SCML4: variants seen among roughly 807,000 people sequenced by gnomAD.
SCML4 encodes sex comb on midleg-like protein 4.
SCML4 carries 34 observed loss-of-function variants against 41.1 expected under a neutral mutation model. The observed-to-expected ratio is 0.83, with a 90% CI of 0.63 to 1.10. SCML4 has a LOEUF of 1.10. Among genes scored for constraint, SCML4 ranks in the 50% least tolerant of loss-of-function variants. The probability of loss-of-function intolerance (pLI) is 0.00; values close to 1 mark genes in which losing one functional copy is unlikely to be tolerated. For missense variants in SCML4, 522 were observed against 534.1 expected (o/e 0.98, Z 0.22); for synonymous variants, 214 against 220.9 (o/e 0.97, Z 0.28).
chr6:107,734,461 T>G (rs1371521081), intron 5 of SCML4, among the ~76,000 whole-genome samples: 1 of 152,230 alleles, frequency 6.6e-6, no homozygotes, highest in African/African-American at 2.4e-5. Context: ...TTCCTCGGTA[T>G]CTACAGGACA....
chr6:107,781,763 T>G (rs974427885), intron 1 of SCML4, among the ~76,000 whole-genome samples: 2 of 151,632 alleles, frequency 1.3e-5, no homozygotes, highest in Non-Finnish European at 2.9e-5. Context: ...AGTTGCAAGG[T>G]GCAAACTTGT....
the SCML4 span, among the ~76,000 whole-genome samples, chr6:107,835,765 A>AG: frequency 6.8e-6 from 1 of 147,794 alleles, no homozygotes. Context: ...CCCCATCTCA[A>AG]AAAAAAAAAA....
intron 2 of SCML4, among the ~76,000 whole-genome samples, chr6:107,766,225 C>T (rs1780023823): frequency 6.6e-6 from 1 of 152,136 alleles, no homozygotes; most frequent in Non-Finnish European, 1.5e-5. Context: ...CAAAAATTAG[C>T]CGGGCGTGGT....
At chr6:107,789,958 G>A (rs1470551596) in intron 1 of SCML4, among the ~76,000 whole-genome samples, 5 of 152,096 alleles carry the variant, frequency 3.3e-5, no homozygotes, top group Admixed American at 6.5e-5. Flanking sequence ...ATATTATTAC[G>A]TACTCCCACC....
the SCML4 span, among the ~76,000 whole-genome samples, chr6:107,842,825 C>T: frequency 1.3e-5 from 2 of 152,104 alleles, no homozygotes; most frequent in Non-Finnish European, 2.9e-5. Context: ...TTTTTTTAAG[C>T]ACTGATGTTA....
At chr6:107,836,105 TG>T in the SCML4 span, among the ~76,000 whole-genome samples, 1 of 152,196 alleles carries the variant, frequency 6.6e-6, no homozygotes, top group African/African-American at 2.4e-5. Flanking sequence ...TTTTTGCTCC[TG>T]TTTTTTTTTT....
chr6:107,778,183 C>T (rs1331180737), intron 1 of SCML4, among the ~76,000 whole-genome samples: 17 of 114,630 alleles, frequency 1.5e-4, no homozygotes, highest in African/African-American at 4.5e-4. Context: ...ACAGAGTGAG[C>T]GAGACTCTAT....
At chr6:107,834,861 C>G in the SCML4 span, among the ~76,000 whole-genome samples, 1 of 151,446 alleles carries the variant, frequency 6.6e-6, no homozygotes, top group Non-Finnish European at 1.5e-5. Flanking sequence ...GGGCAGATCG[C>G]CAGGAGGTCA....
chr6:107,841,809 G>A, the SCML4 span, among the ~76,000 whole-genome samples: 1 of 152,002 alleles, frequency 6.6e-6, no homozygotes, highest in African/African-American at 2.4e-5. Context: ...AGTCTGACCT[G>A]TGTAATTGGA....
intron 4 of SCML4, chr6:107,746,061 C>G (rs1489372027): frequency 1.3e-5 from 2 of 152,080 alleles, no homozygotes; most frequent in African/African-American, 4.8e-5. Flanking sequence ...ATATATTAGA[C>G]AAGAAGTCAG....
At chr6:107,755,275 A>T (rs1779009989) in intron 2 of SCML4, among the ~76,000 whole-genome samples, 1 of 152,194 alleles carries the variant, frequency 6.6e-6, no homozygotes, top group Non-Finnish European at 1.5e-5. Flanking sequence ...CAGTCTCTAA[A>T]ACAACTGCTA....
intron 1 of SCML4, among the ~76,000 whole-genome samples, chr6:107,816,883 A>T (rs1001375327): frequency 5.9e-5 from 9 of 152,218 alleles, no homozygotes; most frequent in Admixed American, 5.2e-4. Context: ...CCATGGTTTC[A>T]GCATAAATTC....
chr6:107,768,179 G>C (rs1012076697), intron 2 of SCML4, among the ~76,000 whole-genome samples: 2 of 151,958 alleles, frequency 1.3e-5, no homozygotes, highest in African/African-American at 4.8e-5. Context: ...TGCTTGACCT[G>C]GGAAGTCAAG....
In SCML4 at chr6:107,739,912, G is replaced by A. The variant is rs78523367; in HGVS notation, c.682+5037C>T. On this transcript the variant is annotated intron_variant, in intron 5 of 7. Transcript: ENST00000369020. Reference sequence around the variant, plus strand: ...ACTGCTCAGAGCTTACCATGCCATCGCTGCTTCCTCCACTTTCCCCAAGGC... The same window carrying A: ...ACTGCTCAGAGCTTACCATGCCATCACTGCTTCCTCCACTTTCCCCAAGGC... 3.6e-3 allele frequency among the ~76,000 whole-genome samples: 549 copies of A among 152,266 alleles called. 5 individuals carry two copies. In the East Asian group the frequency reaches 0.044, roughly 12 times the overall value.
chr6:107,719,334 ACGCTC>A (rs1775139676), intron 6 of SCML4: 1 of 152,438 alleles, frequency 6.6e-6, no homozygotes. Context: ...GGTCAGGGCC[ACGCTC>A]ATCTGGGTTG....
At chr6:107,734,842 G>A (rs1776899556) in intron 5 of SCML4, among the ~76,000 whole-genome samples, 1 of 152,040 alleles carries the variant, frequency 6.6e-6, no homozygotes, top group Admixed American at 6.5e-5. Flanking sequence ...CAAAACTGAT[G>A]GACACTTTTT....
intron 1 of SCML4, among the ~76,000 whole-genome samples, chr6:107,779,873 G>A (rs181469798): frequency 4.5e-4 from 68 of 152,176 alleles, no homozygotes; most frequent in East Asian, 1.9e-4. Context: ...GCCTTTCCTC[G>A]TCCACACACT....
chr6:107,839,933 T>C, the SCML4 span, among the ~76,000 whole-genome samples: 12 of 152,194 alleles, frequency 7.9e-5, no homozygotes, highest in East Asian at 1.3e-3. Flanking sequence ...TTTTAAAATA[T>C]ATAATAAAAT....
chr6:107,831,411 C>CCAAAAAAAA, the SCML4 span, among the ~76,000 whole-genome samples: 18 of 107,496 alleles, frequency 1.7e-4, 6 homozygotes, highest in Non-Finnish European at 1.8e-4. Flanking sequence ...TTTTCATTCT[C>CCAAAAAAAA]AAAAAAAAAA....
Sources: allele counts gnomAD v4.1 joint callset (sites outside exome capture counted in the v4.1 genomes callset), GRCh38; gene constraint gnomAD v4.1.1; transcripts MANE v1.5; gene names NCBI Gene and HGNC (gene_info 2026-07-23, HGNC 2026-07-21).